The following ADAMTSL3 variants were observed in gnomAD, a reference collection of about 807,000 sequenced individuals.
The protein encoded by ADAMTSL3 is ADAMTS like 3.
Under a neutral mutation model 201.7 loss-of-function variants are expected in ADAMTSL3, and 128 were observed. That is an observed-to-expected ratio of 0.63 (90% CI 0.55 to 0.73). The LOEUF is 0.73. Ranked by LOEUF, ADAMTSL3 falls within the 30% of genes least tolerant of loss-of-function variation. The pLI is 0.00. For synonymous variants in ADAMTSL3, 738 were observed against 748.4 expected (o/e 0.99, Z 0.23); for missense variants, 1,990 against 2,119.6 (o/e 0.94, Z 1.20).
intron 3 of ADAMTSL3, among the ~76,000 whole-genome samples, chr15:83,756,597 CT>C (rs1014517228): frequency 8.2e-6 from 1 of 121,438 alleles, no homozygotes; most frequent in African/African-American, 2.5e-5. Context: ...CATTTCACCC[CT>C]GCCCCCCCCC....
chr15:83,724,333 C>T (rs1032570793), intron 3 of ADAMTSL3, among the ~76,000 whole-genome samples: 1 of 152,118 alleles, frequency 6.6e-6, no homozygotes, highest in Admixed American at 6.6e-5. Flanking sequence ...CTCCTGACCT[C>T]TTGATCTGCC....
At chr15:83,865,423 C>T (rs1393125873) in intron 8 of ADAMTSL3, among the ~76,000 whole-genome samples, 2 of 152,214 alleles carry the variant, frequency 1.3e-5, no homozygotes, top group East Asian at 3.9e-4. Context: ...AGATATAGAC[C>T]AATGGGACAG....
intron 2 of ADAMTSL3, among the ~76,000 whole-genome samples, chr15:83,683,783 C>T (rs2061504919): frequency 6.6e-6 from 1 of 152,166 alleles, no homozygotes; most frequent in Admixed American, 6.5e-5. Context: ...CATTCCATGG[C>T]CCTTTCCACA....
chr15:83,950,698 T>C (rs2066740871), intron 19 of ADAMTSL3, among the ~76,000 whole-genome samples: 1 of 152,048 alleles, frequency 6.6e-6, no homozygotes, highest in Non-Finnish European at 1.5e-5. Flanking sequence ...TTTTATAGTT[T>C]TCATTATAGA....
chr15:84,016,347 C>G (rs958495527), intron 24 of ADAMTSL3, 36 bp from the exon 25 acceptor site: 3 of 1,540,784 alleles, frequency 1.9e-6, no homozygotes, highest in Non-Finnish European at 2.7e-6. Flanking sequence ...TAGATAATGT[C>G]TAACTGGTAA....
chr15:83,775,820 T>C (rs1276449188), intron 4 of ADAMTSL3, among the ~76,000 whole-genome samples: 1 of 152,174 alleles, frequency 6.6e-6, no homozygotes, highest in African/African-American at 2.4e-5. Context: ...TTTGGCTTGG[T>C]AATATTGCTC....
intron 19 of ADAMTSL3, among the ~76,000 whole-genome samples, chr15:83,955,748 C>A (rs1408177568): frequency 1.3e-5 from 2 of 152,080 alleles, no homozygotes; most frequent in Non-Finnish European, 2.9e-5. Flanking sequence ...CACGACTCTG[C>A]CCAGTGCACT....
chr15:83,928,454 C>T (rs181835181), intron 17 of ADAMTSL3, among the ~76,000 whole-genome samples: 1 of 152,318 alleles, frequency 6.6e-6, no homozygotes, highest in East Asian at 1.9e-4. Flanking sequence ...GAGTTCTGTC[C>T]TGTTTCTAGC....
rs79788935 is a variant in ADAMTSL3 at position 83,839,594 on chromosome 15, G to A, written c.727+1379G>A. Among the ~76,000 whole-genome samples the A allele has an allele frequency of 6.0e-3, 908 of 152,278 alleles. 17 individuals are homozygous for A. Among genetic ancestry groups the A allele is most frequent in the African/African-American group, 0.021 (875 of 41,554 alleles). ...GCTTGGAAGCAGGTAGTCCAAATAG[G>A]AAGTGTCTTTCAAGCTATTCAAGAG... On this transcript the variant is annotated intron_variant, in intron 7 of 29. Coordinates refer to ENST00000286744, the MANE Select transcript of ADAMTSL3 (RefSeq NM_207517.3).
chr15:83,783,922 C>G (rs913308579), intron 4 of ADAMTSL3, among the ~76,000 whole-genome samples: 4 of 151,266 alleles, frequency 2.6e-5, no homozygotes, highest in Non-Finnish European at 5.9e-5. Context: ...AAAGTTTGAT[C>G]AAGTCCCTTG....
intron 2 of ADAMTSL3, among the ~76,000 whole-genome samples, chr15:83,672,936 C>T (rs1252366775): frequency 1.3e-5 from 2 of 152,186 alleles, no homozygotes; most frequent in African/African-American, 4.8e-5. Flanking sequence ...CCTTCCCGTC[C>T]CTGGGAGGTC....
At chr15:83,894,368 T>G (rs2065571580) in intron 13 of ADAMTSL3, among the ~76,000 whole-genome samples, 1 of 152,202 alleles carries the variant, frequency 6.6e-6, no homozygotes, top group Non-Finnish European at 1.5e-5. Context: ...TCACATATAT[T>G]TAGGTTGACA....
At chr15:83,848,160 A>G (rs2064540448) in intron 7 of ADAMTSL3, among the ~76,000 whole-genome samples, 1 of 151,904 alleles carries the variant, frequency 6.6e-6, no homozygotes, top group South Asian at 2.1e-4. Context: ...CCAACCAACT[A>G]AAAAAACACA....
At chr15:83,714,683 C>CCCTTCCTCCCTT (rs1411769617) in intron 3 of ADAMTSL3, among the ~76,000 whole-genome samples, 1 of 143,496 alleles carries the variant, frequency 7.0e-6, no homozygotes, top group East Asian at 2.1e-4. Context: ...CTCCCTCCCT[C>CCCTTCCTCCCTT]CCTTCCTCCC....
chr15:83,816,493 G>T (rs535942234), intron 5 of ADAMTSL3, among the ~76,000 whole-genome samples: 1 of 152,344 alleles, frequency 6.6e-6, no homozygotes, highest in East Asian at 1.9e-4. Flanking sequence ...TCGAGAGTTA[G>T]CTAGCCGGCA....
intron 4 of ADAMTSL3, among the ~76,000 whole-genome samples, chr15:83,780,089 G>T (rs984534082): frequency 6.6e-6 from 1 of 151,954 alleles, no homozygotes; most frequent in Non-Finnish European, 1.5e-5. Flanking sequence ...CTGAACTGAA[G>T]GAGATTGAGA....
chr15:83,963,719 C>T (rs913523083), intron 19 of ADAMTSL3, among the ~76,000 whole-genome samples: 1 of 152,224 alleles, frequency 6.6e-6, no homozygotes. Flanking sequence ...TGGGGAGACA[C>T]CTCTCAGTAG....
At chr15:84,015,955 T>C (rs1020534073) in intron 24 of ADAMTSL3, among the ~76,000 whole-genome samples, 4 of 152,230 alleles carry the variant, frequency 2.6e-5, no homozygotes, top group African/African-American at 9.6e-5. Context: ...TCTGCTCTTA[T>C]GTGCAAGCTT....
chr15:84,035,401 AG>A (rs2068486393), intron 28 of ADAMTSL3, among the ~76,000 whole-genome samples: 1 of 152,222 alleles, frequency 6.6e-6, no homozygotes, highest in African/African-American at 2.4e-5. Flanking sequence ...ATCTCTATAT[AG>A]GGATGGTTGA....
Sources: gnomAD v4.1 joint callset for allele counts (sites outside exome capture counted in the v4.1 genomes callset) on GRCh38, gnomAD v4.1.1 for gene constraint, MANE v1.5 for transcripts, NCBI Gene and HGNC (gene_info 2026-07-23, HGNC 2026-07-21) for gene names.